The following STRN3 variants were observed in gnomAD, a reference collection of about 807,000 sequenced individuals.
STRN3 encodes striatin 3, also known as striatin-3.
In STRN3, 29 loss-of-function variants were observed where a neutral mutation model predicts 95.6. The ratio of observed to expected loss-of-function variants is 0.30; its 90% CI spans 0.23 to 0.41. The LOEUF (loss-of-function observed/expected upper bound fraction) is 0.41. STRN3 is among the 10% of genes least tolerant of loss of function. STRN3 has a pLI of 1.00. For missense variants in STRN3, 890 were observed against 972.1 expected (o/e 0.92, Z 1.12); for synonymous variants, 331 against 357.6 (o/e 0.93, Z 0.84).
At chr14:31,022,436 A>C (rs1281799252) in intron 1 of STRN3, among the ~76,000 whole-genome samples, 1 of 151,908 alleles carries the variant, frequency 6.6e-6, no homozygotes, top group African/African-American at 2.4e-5. Context: ...TGTATTAGCT[A>C]TGTCATATTT....
chr14:30,950,829 C>G, intron 4 of STRN3, 34 bp downstream of exon 4: 1 of 1,589,364 alleles, frequency 6.3e-7, no homozygotes, highest in Non-Finnish European at 8.6e-7. Context: ...ATACCTAGAT[C>G]CTTAAAGAAG....
At chr14:30,896,941 C>CTTTGTA (rs1896170476) in intron 16 of STRN3, among the ~76,000 whole-genome samples, 1 of 152,178 alleles carries the variant, frequency 6.6e-6, no homozygotes, top group Non-Finnish European at 1.5e-5. Context: ...GGGGCAAGGG[C>CTTTGTA]ATCCTGCAAT....
At chr14:30,959,321 T>C (rs1461117464) in intron 1 of STRN3, among the ~76,000 whole-genome samples, 2 of 151,658 alleles carry the variant, frequency 1.3e-5, no homozygotes, top group Non-Finnish European at 2.9e-5. Flanking sequence ...AGACCCTGAA[T>C]GAAAAGAAAA....
chr14:30,948,636 T>C (rs985830401), intron 4 of STRN3, among the ~76,000 whole-genome samples: 5 of 152,188 alleles, frequency 3.3e-5, no homozygotes, highest in South Asian at 2.1e-4. Flanking sequence ...TTTGTGATAG[T>C]TGCTTCAGAG....
intron 1 of STRN3, among the ~76,000 whole-genome samples, chr14:30,985,894 T>C (rs527502284): frequency 6.6e-6 from 1 of 152,294 alleles, no homozygotes; most frequent in South Asian, 2.1e-4. Context: ...GAACAAGACC[T>C]AGCTCAACAT....
intron 1 of STRN3, among the ~76,000 whole-genome samples, chr14:30,979,988 C>T (rs1390826555): frequency 1.1e-5 from 1 of 89,822 alleles, no homozygotes; most frequent in African/African-American, 3.3e-5. Context: ...GTGGCTCACG[C>T]CTGTAATCCC....
At chr14:30,925,133 T>C (rs1220826863) in intron 8 of STRN3, among the ~76,000 whole-genome samples, 5 of 152,092 alleles carry the variant, frequency 3.3e-5, no homozygotes, top group Middle Eastern at 3.4e-3. Context: ...CTCAATTATA[T>C]TGTATATCTC....
chr14:30,916,283 GT>G (rs34133957), intron 9 of STRN3, among the ~76,000 whole-genome samples: 112 of 142,264 alleles, frequency 7.9e-4, no homozygotes, highest in Admixed American at 9.2e-4. Flanking sequence ...AGTTTTTTTG[GT>G]TTTTTTTTTT....
chr14:31,022,567 C>T (rs1883553953), intron 1 of STRN3, among the ~76,000 whole-genome samples: 1 of 151,668 alleles, frequency 6.6e-6, no homozygotes, highest in African/African-American at 2.4e-5. Flanking sequence ...AGCAGCATCA[C>T]AGGCGCTCAA....
chr14:30,932,229 T>G, intron 7 of STRN3: 1 of 152,038 alleles, frequency 6.6e-6, no homozygotes, highest in Admixed American at 6.6e-5. Context: ...ATGGTTCCAT[T>G]GCACTCCAGC....
At chr14:30,987,741 A>AT (rs201844143) in intron 1 of STRN3, among the ~76,000 whole-genome samples, 171 of 145,284 alleles carry the variant, frequency 1.2e-3, no homozygotes, top group East Asian at 1.8e-3. Flanking sequence ...GTTGAATATA[A>AT]TTTTTTTTTT....
At chr14:30,914,966 A>G (rs917140094) in intron 9 of STRN3, among the ~76,000 whole-genome samples, 2 of 152,214 alleles carry the variant, frequency 1.3e-5, no homozygotes, top group African/African-American at 4.8e-5. Context: ...ATTTTGTTGT[A>G]ACAGTCATAG....
At chr14:31,020,280 C>T (rs2139352706) in intron 1 of STRN3, among the ~76,000 whole-genome samples, 1 of 152,132 alleles carries the variant, frequency 6.6e-6, no homozygotes, top group African/African-American at 2.4e-5. Context: ...AGGCGGATTA[C>T]TTGAGGTCAG....
Position 30,895,197 on chromosome 14 carries a change from G to A in STRN3, c.*214C>T, listed in dbSNP as rs999258397. 1.5e-5 allele frequency: 8 copies of A among 548,846 alleles called. No homozygotes were observed. In the African/African-American group the frequency reaches 1.5e-4, roughly 10 times the overall value. The allele number at this position is 548,846 out of a possible 1,614,324, so 34.0% of individuals were successfully genotyped here. ...CATCCAGTACAGGCCACAAATACTGGAGTCCTTTTTTCTTTGTCCCACAAA... is the reference window on the plus strand; with the variant it reads ...CATCCAGTACAGGCCACAAATACTGAAGTCCTTTTTTCTTTGTCCCACAAA... On this transcript the variant is annotated 3_prime_UTR_variant, in exon 18 of 18. Coordinates refer to ENST00000357479, the MANE Select transcript of STRN3 (RefSeq NM_001083893.2).
At chr14:30,919,177 C>G in intron 8 of STRN3, 71 bp from the exon 9 acceptor site, 2 of 1,382,502 alleles carry the variant, frequency 1.4e-6, no homozygotes, top group East Asian at 2.6e-5. Flanking sequence ...CCTTTAAAAC[C>G]AATTTATTAA....
chr14:30,916,270 A>G (rs1166681215), intron 9 of STRN3, among the ~76,000 whole-genome samples: 1 of 150,456 alleles, frequency 6.6e-6, no homozygotes, highest in African/African-American at 2.4e-5. Context: ...TATTTAAACA[A>G]GTAGTTTTTT....
chr14:30,902,749 C>T (rs1896359281), intron 15 of STRN3, 106 bp from the exon 16 acceptor site: 1 of 749,016 alleles, frequency 1.3e-6, no homozygotes, highest in East Asian at 2.9e-5. Context: ...AAAAACTAAA[C>T]CTTTTGCATA....
At chr14:30,977,362 T>C (rs1364461541) in intron 1 of STRN3, among the ~76,000 whole-genome samples, 5 of 151,666 alleles carry the variant, frequency 3.3e-5, no homozygotes, top group South Asian at 2.1e-4. Flanking sequence ...AAAATTACCA[T>C]AGAAAAATCA....
At chr14:30,983,195 A>C (rs1881494431) in intron 1 of STRN3, among the ~76,000 whole-genome samples, 1 of 152,204 alleles carries the variant, frequency 6.6e-6, no homozygotes. Context: ...GCAATCTCTT[A>C]TAATACCTCA....
Sources: gnomAD v4.1 joint callset for allele counts (sites outside exome capture counted in the v4.1 genomes callset) on GRCh38, gnomAD v4.1.1 for gene constraint, MANE v1.5 for transcripts, NCBI Gene and HGNC (gene_info 2026-07-23, HGNC 2026-07-21) for gene names.